Variants in OCIAD2 observed in about 807,000 individuals in gnomAD.
The protein encoded by OCIAD2 is OCIA domain containing 2, also known as OCIA domain-containing protein 2.
A neutral mutation model predicts 22.9 loss-of-function variants in OCIAD2; 29 were observed. The observed-to-expected ratio is 1.27, with a 90% confidence interval of 0.94 to 1.73. The LOEUF (loss-of-function observed/expected upper bound fraction) is 1.73, where lower values mean the gene tolerates loss of function less well. Ranked by LOEUF, OCIAD2 falls within the 40% of genes most tolerant of loss-of-function variation. OCIAD2 has a pLI of 0.00. For missense variants in OCIAD2, 189 were observed against 180.3 expected, an observed-to-expected ratio of 1.05 and a Z score of -0.28; for synonymous variants, 67 against 60.2, an observed-to-expected ratio of 1.11 and a Z score of -0.52.
intron 6 of OCIAD2, among the ~76,000 whole-genome samples, chr4:48,889,352 A>T (rs1301941539): frequency 6.6e-6 from 1 of 151,994 alleles, no homozygotes; most frequent in African/African-American, 2.4e-5. Context: ...AATTTTTACA[A>T]TCTACACATT....
At chr4:48,892,748 C>A (rs1369483987) in intron 6 of OCIAD2, 24 bp downstream of exon 6, 2 of 1,092,882 alleles carry the variant, frequency 1.8e-6, no homozygotes, top group Non-Finnish European at 2.7e-6. Flanking sequence ...ACATTACAAT[C>A]CCTCAACCAA....
At chr4:48,899,677 T>C (rs1377887241) in intron 3 of OCIAD2, 152 bp downstream of exon 3, 2 of 572,068 alleles carry the variant, frequency 3.5e-6, no homozygotes, top group Non-Finnish European at 6.1e-6. Context: ...CTAAAAAAGG[T>C]CTGAACTTGG....
At chr4:48,900,269 T>C (rs1439880864) in intron 2 of OCIAD2, among the ~76,000 whole-genome samples, 1 of 152,158 alleles carries the variant, frequency 6.6e-6, no homozygotes, top group Non-Finnish European at 1.5e-5. Flanking sequence ...CCTAGAATGC[T>C]GTTCACTCCC....
In OCIAD2 at chr4:48,899,809, A is replaced by G; in HGVS notation, c.163+20T>C. 3 of 1,556,614 alleles carry G rather than the reference A, an allele frequency of 1.9e-6. No individual in the cohort carries two copies. The highest frequency in any genetic ancestry group is 2.7e-6 in the Non-Finnish European group (3 of 1,130,854). On this transcript the variant is annotated intron_variant, in intron 3 of 6. Transcript: ENST00000508632. ...ATTTAGGCAGTTTACTGCCACAAAT[A>G]CAGTGTTAGGTGCAATTACCTCTCT...
chr4:48,896,822 G>A (rs1261726159), intron 4 of OCIAD2, among the ~76,000 whole-genome samples: 1 of 152,058 alleles, frequency 6.6e-6, no homozygotes, highest in Non-Finnish European at 1.5e-5. Flanking sequence ...GATAAAATGG[G>A]CTTAAACAAG....
At chr4:48,895,037 C>T (rs1353758800) in intron 4 of OCIAD2, among the ~76,000 whole-genome samples, 2 of 152,154 alleles carry the variant, frequency 1.3e-5, no homozygotes, top group Admixed American at 1.3e-4. Flanking sequence ...ATGGCAGCAA[C>T]AGAAGAACTT....
At position 48,885,432 on chromosome 4, in the gene OCIAD2, A is replaced by G; in HGVS notation, c.*52T>C. 1.1e-6 allele frequency: 1 copy of G among 920,892 alleles called. No homozygotes were observed. The highest frequency in any genetic ancestry group is 1.7e-5 in the African/African-American group (1 of 60,598). 57.0% of individuals were successfully genotyped at this position (920,892 alleles called of 1,614,324 possible). On this transcript the variant is annotated 3_prime_UTR_variant, in exon 7 of 7. Coordinates refer to ENST00000508632, the MANE Select transcript of OCIAD2 (RefSeq NM_001014446.3). ...TTTTAAAGTACACTTGAAATTTTAA[A>G]TGTGTACAAATTCAGAGGTTTAAAA...
chr4:48,886,541 T>C (rs1190349592), intron 6 of OCIAD2, among the ~76,000 whole-genome samples: 1 of 139,796 alleles, frequency 7.2e-6, no homozygotes, highest in South Asian at 2.5e-4. Context: ...CTTCCTGTGT[T>C]CAAGTGTTCT....
intron 1 of OCIAD2, among the ~76,000 whole-genome samples, chr4:48,904,826 C>G: frequency 6.6e-6 from 1 of 152,176 alleles, no homozygotes; most frequent in Non-Finnish European, 1.5e-5. Flanking sequence ...AGTGGAAATA[C>G]CACACTGTGC....
At chr4:48,897,395 T>C (rs1781326481) in intron 4 of OCIAD2, among the ~76,000 whole-genome samples, 1 of 152,156 alleles carries the variant, frequency 6.6e-6, no homozygotes, top group Admixed American at 6.6e-5. Flanking sequence ...CCTCCACTAA[T>C]GGTCCCTTCC....
At chr4:48,887,694 A>G (rs1248982347) in intron 6 of OCIAD2, among the ~76,000 whole-genome samples, 1 of 152,074 alleles carries the variant, frequency 6.6e-6, no homozygotes, top group Non-Finnish European at 1.5e-5. Context: ...CCATTGGTCT[A>G]TATCTCTGTT....
chr4:48,885,554 A>T lies in OCIAD2; in HGVS notation c.395T>A (p.Leu132His). 1 of 1,604,194 alleles carries T rather than the reference A, an allele frequency of 6.2e-7. No homozygotes were observed. Among genetic ancestry groups the T allele is most frequent in the Non-Finnish European group, 8.5e-7 (1 of 1,170,960 alleles). The change falls in exon 7 of 7, where the codon CTT becomes CAT. Residue 132 changes from leucine to histidine, a missense_variant. Transcript: ENST00000508632. ...CTTTATTTTGCATTCCTCACAGGTA[A>T]GGAGGCAGTGCCTAGAAGAGAAGCA... ...FGPQHNRHCL[L>H]TCEECKIKHG...
chr4:48,897,777 G>T, intron 4 of OCIAD2, 27 bp downstream of exon 4: 1 of 1,567,546 alleles, frequency 6.4e-7, no homozygotes, highest in African/African-American at 1.4e-5. Context: ...TCTGAAATTA[G>T]ATTATTTAAC....
In OCIAD2 at chr4:48,904,520, T is replaced by C. The variant is rs1321861326; in HGVS notation, c.30A>G (p.Gln10=). MASASARGN[Q]DKDAHFPPPS... ...GTGGTGGAAAATGGGCATCTTTATCTTGGTTTCCACGAGCAGACGCTGAAG... is the reference window on the plus strand; with the variant it reads ...GTGGTGGAAAATGGGCATCTTTATCCTGGTTTCCACGAGCAGACGCTGAAG... The change falls in exon 2 of 7, where the codon CAA becomes CAG. Residue 10 remains glutamine (Q), a synonymous_variant. Coordinates refer to ENST00000508632, the MANE Select transcript of OCIAD2 (RefSeq NM_001014446.3). 6.2e-7 allele frequency: 1 copy of C among 1,614,158 alleles called. No homozygotes were observed.
chr4:48,885,672 G>T, intron 6 of OCIAD2, 107 bp from the exon 7 acceptor site: 1 of 658,948 alleles, frequency 1.5e-6, no homozygotes, highest in Non-Finnish European at 2.7e-6. Flanking sequence ...TTTTAATAGA[G>T]ATGTGGGGGG....
chr4:48,897,370 G>C (rs1393110564), intron 4 of OCIAD2: 4 of 170,042 alleles, frequency 2.4e-5, no homozygotes, highest in Admixed American at 6.4e-5. Context: ...CTAGCTTCTT[G>C]AGGCTGCCCA....
In OCIAD2 at chr4:48,904,553, G is replaced by T. The variant is rs375487582; in HGVS notation, c.-4C>A. On this transcript the variant is annotated 5_prime_UTR_variant, in exon 2 of 7. Transcript: ENST00000508632. The stretch of plus-strand genomic sequence containing the variant: ...CACGAGCAGACGCTGAAGCCATGAT[G>T]ACTTTGTGCTTGCTCTCCTTCCAGT... 12 of 1,613,812 alleles carry T rather than the reference G, an allele frequency of 7.4e-6. No homozygotes were observed. The African/African-American group carries it at 1.6e-4, about 22-fold the overall frequency.
chr4:48,896,386 T>A (rs1781301861), intron 4 of OCIAD2, among the ~76,000 whole-genome samples: 1 of 151,922 alleles, frequency 6.6e-6, no homozygotes, highest in African/African-American at 2.4e-5. Context: ...GCTCAGGAGT[T>A]CGAGACCAGC....
chr4:48,893,944 A>G, intron 5 of OCIAD2, 62 bp downstream of exon 5: 1 of 1,069,280 alleles, frequency 9.4e-7, no homozygotes, highest in Non-Finnish European at 1.3e-6. Flanking sequence ...AGCCTCCCAA[A>G]GTGCTGGGAT....
Sources: gnomAD v4.1 joint callset for allele counts (sites outside exome capture counted in the v4.1 genomes callset) on GRCh38, gnomAD v4.1.1 for gene constraint, MANE v1.5 for transcripts, NCBI Gene and HGNC (gene_info 2026-07-23, HGNC 2026-07-21) for gene names.